TAGLN3: variants seen among roughly 807,000 people sequenced by gnomAD.
TAGLN3 encodes the protein transgelin 3, also known as transgelin-3.
Under a neutral mutation model 25.4 loss-of-function variants are expected in TAGLN3, and 12 were observed. The observed-to-expected ratio is 0.47, with a 90% CI of 0.30 to 0.77. The LOEUF (loss-of-function observed/expected upper bound fraction) is 0.77, where lower values mean the gene tolerates loss of function less well. Among genes scored for constraint, TAGLN3 ranks in the 30% least tolerant of loss-of-function variants. The pLI is 0.06. For synonymous variants in TAGLN3, 96 were observed against 94.8 expected, an observed-to-expected ratio of 1.01 and a Z score of -0.08; for missense variants, 218 against 255.8, an observed-to-expected ratio of 0.85 and a Z score of 1.01.
At chr3:112,010,802 C>T (rs1345412277) in intron 3 of TAGLN3, among the ~76,000 whole-genome samples, 1 of 152,142 alleles carries the variant, frequency 6.6e-6, no homozygotes, top group Non-Finnish European at 1.5e-5. Flanking sequence ...AATGAAGATC[C>T]TGAGCTGGAC....
intron 3 of TAGLN3, among the ~76,000 whole-genome samples, chr3:112,005,554 G>A (rs13096825): frequency 0.59 from 89,153 of 152,006 alleles, 30,029 homozygotes; most frequent in Non-Finnish European, 0.77. Flanking sequence ...CTGGGAAGGC[G>A]TCACTTTATG....
intron 3 of TAGLN3, among the ~76,000 whole-genome samples, chr3:112,002,552 G>T (rs2072872301): frequency 6.6e-6 from 1 of 152,110 alleles, no homozygotes; most frequent in Admixed American, 6.5e-5. Context: ...AAGAGGAGGT[G>T]GGGGAGGAGG....
chr3:112,004,392 CG>C (rs1174548846), intron 3 of TAGLN3, among the ~76,000 whole-genome samples: 2 of 142,004 alleles, frequency 1.4e-5, no homozygotes, highest in African/African-American at 5.3e-5. Context: ...AGGTGGGGGG[CG>C]GGGGGTGTGT....
rs186630989 is a variant in TAGLN3, at chr3:112,007,701, A to G, written c.356-4062A>G. On this transcript the variant is annotated intron_variant, in intron 3 of 4. Transcript: ENST00000478951. The stretch of plus-strand genomic sequence containing the variant: ...TACCAAAGCATCCAGGGTGGCTGTC[A>G]GGGAGCAAAGCCATTCCAAGCTGCA... 1.5e-3 allele frequency among the ~76,000 whole-genome samples: 236 copies of G among 152,356 alleles called. 6 individuals are homozygous for G. The East Asian group carries it at 0.032, about 21-fold the overall frequency.
chr3:111,999,690 G>A (rs1292229788), intron 2 of TAGLN3, 88 bp downstream of exon 2: 7 of 1,503,250 alleles, frequency 4.7e-6, no homozygotes, highest in African/African-American at 2.8e-5. Flanking sequence ...TGCGGGAAGA[G>A]CTGCTGTTGC....
chr3:111,999,914 G>A (rs1440525494), intron 2 of TAGLN3, among the ~76,000 whole-genome samples: 1 of 152,104 alleles, frequency 6.6e-6, no homozygotes. Context: ...CAGCCTTCCT[G>A]GTGCATCAGC....
intron 3 of TAGLN3, among the ~76,000 whole-genome samples, chr3:112,006,666 A>T (rs2072920401): frequency 6.6e-6 from 1 of 152,268 alleles, no homozygotes; most frequent in African/African-American, 2.4e-5. Context: ...TATTAAAAGT[A>T]GAAATAGAAA....
rs2073004796 is a variant in TAGLN3 at position 112,013,776 on chromosome 3, T to G, written c.*225T>G. On this transcript the variant is annotated 3_prime_UTR_variant, in exon 5 of 5. Transcript: ENST00000478951. ...CTCCGCTTCCGTTTTCCTGAGCTCC[T>G]CGGGCCCCAGAGTCTCTGTTTGATT... The G allele has an allele frequency of 4.8e-6, 3 of 623,758 alleles. No individual in the cohort carries two copies. The highest frequency in any genetic ancestry group is 2.9e-6 in the Non-Finnish European group (1 of 349,062). 38.6% of individuals were successfully genotyped at this position (623,758 alleles called of 1,614,324 possible). A position where few individuals can be genotyped will look rare whatever the true frequency, so the allele number is the denominator to read the frequency against.
At chr3:112,004,664 A>G (rs1266924237) in intron 3 of TAGLN3, among the ~76,000 whole-genome samples, 1 of 152,240 alleles carries the variant, frequency 6.6e-6, no homozygotes, top group Non-Finnish European at 1.5e-5. Flanking sequence ...ATAGTTCATT[A>G]GAAGTGTTTA....
chr3:111,999,318 T>G, intron 1 of TAGLN3, 103 bp from the exon 2 acceptor site: 1 of 1,353,450 alleles, frequency 7.4e-7, no homozygotes, highest in Non-Finnish European at 9.9e-7. Context: ...TTGCTGCTGC[T>G]GGGCCAGGTT....
rs1421864290 is a variant in TAGLN3 at position 112,013,723 on chromosome 3, C to G, written c.*172C>G. 3.3e-6 allele frequency: 3 copies of G among 919,262 alleles called. No individual in the cohort carries two copies. The South Asian group carries it at 4.3e-5, about 13-fold the overall frequency. 56.9% of individuals were successfully genotyped at this position (919,262 alleles called of 1,614,324 possible). A position where few individuals can be genotyped will look rare whatever the true frequency, so the allele number is the denominator to read the frequency against. ...AATCCGCGTTGCCTACTGCTGCCAC[C>G]TCCTGTTCATTTAGAACTATGCAAA... On this transcript the variant is annotated 3_prime_UTR_variant, in exon 5 of 5. Transcript: ENST00000478951.
intron 2 of TAGLN3, among the ~76,000 whole-genome samples, chr3:111,999,928 T>A (rs1459857068): frequency 6.6e-6 from 1 of 152,204 alleles, no homozygotes; most frequent in African/African-American, 2.4e-5. Context: ...CATCAGCTCT[T>A]CTGGGGCCAT....
chr3:112,004,394 G>A (rs2072893911), intron 3 of TAGLN3, among the ~76,000 whole-genome samples: 1 of 152,120 alleles, frequency 6.6e-6, no homozygotes, highest in Admixed American at 6.5e-5. Context: ...GTGGGGGGCG[G>A]GGGGTGTGTG....
chr3:112,009,963 T>C (rs1215302258), intron 3 of TAGLN3, among the ~76,000 whole-genome samples: 2 of 151,842 alleles, frequency 1.3e-5, no homozygotes, highest in African/African-American at 4.8e-5. Flanking sequence ...ATATAAGAAG[T>C]GTTATATATA....
chr3:112,013,635 A>AC lies in TAGLN3; in HGVS notation c.*86dup. 1 of 1,586,324 alleles carries AC rather than the reference A, an allele frequency of 6.3e-7. No individual in the cohort carries two copies. The highest frequency in any genetic ancestry group is 1.1e-5 in the South Asian group (1 of 88,350). Reference sequence around the variant, plus strand: ...AAAAGAAATAGTTAGTCACCTTCTGACCTTCTCCTCTTTCTCAAAGCCTTC... The same window carrying AC: ...AAAAGAAATAGTTAGTCACCTTCTGACCCTTCTCCTCTTTCTCAAAGCCTTC... On this transcript the variant is annotated 3_prime_UTR_variant, in exon 5 of 5. Coordinates refer to ENST00000478951, the MANE Select transcript of TAGLN3 (RefSeq NM_001008272.2).
chr3:112,007,981 G>A (rs990963911), intron 3 of TAGLN3, among the ~76,000 whole-genome samples: 1 of 152,152 alleles, frequency 6.6e-6, no homozygotes, highest in Non-Finnish European at 1.5e-5. Flanking sequence ...AGATTCTTGG[G>A]TAATCCTGAA....
rs1198879220 is a variant in TAGLN3, at chr3:112,013,625, T to G, written c.*74T>G. The stretch of plus-strand genomic sequence containing the variant: ...GTCTCTACGAAAAAGAAATAGTTAG[T>G]CACCTTCTGACCTTCTCCTCTTTCT... On this transcript the variant is annotated 3_prime_UTR_variant, in exon 5 of 5. Coordinates refer to ENST00000478951, the MANE Select transcript of TAGLN3 (RefSeq NM_001008272.2). The G allele has an allele frequency of 6.2e-7, 1 of 1,600,876 alleles. No individual in the cohort carries two copies. The highest frequency in any genetic ancestry group is 2.2e-5 in the East Asian group (1 of 44,474).
chr3:112,003,368 G>C (rs953271816), intron 3 of TAGLN3, among the ~76,000 whole-genome samples: 1 of 152,180 alleles, frequency 6.6e-6, no homozygotes, highest in African/African-American at 2.4e-5. Context: ...AGAGAAGCAG[G>C]AAGAGGGAGG....
chr3:112,004,931 T>A (rs1322521292), intron 3 of TAGLN3, among the ~76,000 whole-genome samples: 1 of 152,164 alleles, frequency 6.6e-6, no homozygotes, highest in Non-Finnish European at 1.5e-5. Context: ...AGATATTCTC[T>A]AATACAAATG....
Sources: allele counts gnomAD v4.1 joint callset (sites outside exome capture counted in the v4.1 genomes callset), GRCh38; gene constraint gnomAD v4.1.1; transcripts MANE v1.5; gene names NCBI Gene and HGNC (gene_info 2026-07-23, HGNC 2026-07-21).